The following STIM1 variants were observed in gnomAD, a reference collection of about 807,000 sequenced individuals.
The protein encoded by STIM1 is stromal interaction molecule 1.
STIM1 carries 25 observed loss-of-function variants against 74.7 expected under a neutral mutation model. That is an observed-to-expected ratio of 0.33 (90% CI 0.24 to 0.47). The LOEUF (loss-of-function observed/expected upper bound fraction) is 0.47, where lower values mean the gene tolerates loss of function less well. STIM1 is among the 20% of genes least tolerant of loss of function. The probability of loss-of-function intolerance (pLI) is 1.00; values close to 1 mark genes in which losing one functional copy is unlikely to be tolerated. For synonymous variants in STIM1, 328 were observed against 348.8 expected, an observed-to-expected ratio of 0.94 and a Z score of 0.66; for missense variants, 728 against 920.8, an observed-to-expected ratio of 0.79 and a Z score of 2.71.
At chr11:3,994,524 A>C (rs2135869810) in intron 2 of STIM1, among the ~76,000 whole-genome samples, 1 of 148,282 alleles carries the variant, frequency 6.7e-6, no homozygotes, top group East Asian at 2.0e-4. Context: ...ACAGTGGCAC[A>C]ATCTCAGCTC....
intron 2 of STIM1, among the ~76,000 whole-genome samples, chr11:3,999,326 A>G (rs1463477826): frequency 6.6e-6 from 1 of 152,238 alleles, no homozygotes; most frequent in Non-Finnish European, 1.5e-5. Flanking sequence ...AGGGAGACTC[A>G]GTCTCAAAAC....
intron 3 of STIM1, among the ~76,000 whole-genome samples, chr11:4,049,324 A>ATTTTTTTTTTTT (rs369097214): frequency 7.5e-6 from 1 of 133,904 alleles, no homozygotes. Context: ...TATCAGCTGG[A>ATTTTTTTTTTTT]TTTTTTTTTT....
chr11:3,979,893 C>A (rs147091091), intron 2 of STIM1, among the ~76,000 whole-genome samples: 1 of 152,288 alleles, frequency 6.6e-6, no homozygotes, highest in East Asian at 1.9e-4. Flanking sequence ...CCTCCCTGCA[C>A]CCCTAGCCCT....
rs199780008 is a variant in STIM1 at position 4,093,173 on chromosome 11, T to C, written c.*1375T>C. ...TTTCTGTGTTATTTCATAAAATTCTTTGAAGTCCAATAAAGCATGTAGGAG... is the reference window on the plus strand; with the variant it reads ...TTTCTGTGTTATTTCATAAAATTCTCTGAAGTCCAATAAAGCATGTAGGAG... On this transcript the variant is annotated 3_prime_UTR_variant, in exon 13 of 13. Coordinates refer to ENST00000526596, the MANE Select transcript of STIM1 (RefSeq NM_001382567.1). 6.5e-6 allele frequency: 1 copy of C among 152,682 alleles called. No homozygotes were observed. Among genetic ancestry groups the C allele is most frequent in the Non-Finnish European group, 1.5e-5 (1 of 68,070 alleles). The allele number at this position is 152,682 out of a possible 1,614,324, so 9.5% of individuals were successfully genotyped here. A position where few individuals can be genotyped will look rare whatever the true frequency, so the allele number is the denominator to read the frequency against.
At chr11:4,018,122 C>T (rs1388592850) in intron 2 of STIM1, among the ~76,000 whole-genome samples, 3 of 152,072 alleles carry the variant, frequency 2.0e-5, no homozygotes, top group Admixed American at 6.6e-5. Flanking sequence ...CAAGACCAGC[C>T]TGACTAACAT....
chr11:3,980,523 A>G (rs2093491884), intron 2 of STIM1, among the ~76,000 whole-genome samples: 1 of 151,754 alleles, frequency 6.6e-6, no homozygotes, highest in Non-Finnish European at 1.5e-5. Context: ...CATGCCTATA[A>G]TCTCAGCTAC....
rs1554959602 is a variant in STIM1 at position 3,941,673 on chromosome 11, T to TAGAGAGAGAGAG, written c.140-25866_140-25855dup. 7.4e-3 allele frequency among the ~76,000 whole-genome samples: 674 copies of TAGAGAGAGAGAG among 90,692 alleles called. 5 individuals carry two copies. The highest frequency in any genetic ancestry group is 0.024 in the South Asian group (59 of 2,476). The allele number at this position is 90,692 out of a possible 152,430, so 59.5% of individuals were successfully genotyped here. A position where few individuals can be genotyped will look rare whatever the true frequency, so the allele number is the denominator to read the frequency against. On this transcript the variant is annotated intron_variant, in intron 1 of 12. Transcript: ENST00000526596. ...GTATACATATATATATATATATATA[T>TAGAGAGAGAGAG]AGAGAGAGAGAGAGAGAGAGAGAGT...
intron 1 of STIM1, chr11:3,867,013 T>C (rs901303023): frequency 1.3e-5 from 2 of 152,186 alleles, no homozygotes; most frequent in African/African-American, 4.8e-5. Flanking sequence ...AGTAGATATT[T>C]GTTGACCAAA....
intron 1 of STIM1, among the ~76,000 whole-genome samples, chr11:3,909,795 G>GAAA (rs5789316): frequency 7.1e-6 from 1 of 140,786 alleles, no homozygotes. Context: ...CCATCTCAAA[G>GAAA]AAAAAAAAAA....
In STIM1 at chr11:4,057,593, G is replaced by A. The variant is rs760288205; in HGVS notation, c.498-1688G>A. Among the ~76,000 whole-genome samples, 11 of 152,262 alleles carry A rather than the reference G, an allele frequency of 7.2e-5. No individual in the cohort carries two copies. In the South Asian group the frequency reaches 1.0e-3, roughly 14 times the overall value. ...CTTATCTAGAAAGTCGCACTAGGCC[G>A]GGTGCAGTGGCTCACACCTGTAATC... On this transcript the variant is annotated intron_variant, in intron 4 of 12. Transcript: ENST00000526596.
In STIM1 at chr11:3,931,930, A is replaced by T. The variant is rs564578012; in HGVS notation, c.140-35622A>T. 4.6e-5 allele frequency among the ~76,000 whole-genome samples: 7 copies of T among 152,306 alleles called. No homozygotes were observed. The South Asian group carries it at 1.2e-3, about 27-fold the overall frequency. Reference sequence around the variant, plus strand: ...ATTGAGGCCCTGGGTTTTGAGTTGAATGAAGGCTGCCAGATGAGGCCATTA... The same window carrying T: ...ATTGAGGCCCTGGGTTTTGAGTTGATTGAAGGCTGCCAGATGAGGCCATTA... On this transcript the variant is annotated intron_variant, in intron 1 of 12. Transcript: ENST00000526596.
At chr11:3,986,061 GTGTGCTA>G (rs2093555467) in intron 2 of STIM1, among the ~76,000 whole-genome samples, 2 of 151,978 alleles carry the variant, frequency 1.3e-5, no homozygotes, top group Non-Finnish European at 2.9e-5. Flanking sequence ...CATATTTAGT[GTGTGCTA>G]TGTGCTGGAT....
intron 1 of STIM1, among the ~76,000 whole-genome samples, chr11:3,925,842 A>C (rs1323902268): frequency 6.6e-6 from 1 of 152,208 alleles, no homozygotes; most frequent in Non-Finnish European, 1.5e-5. Context: ...GGCCCTTTAC[A>C]TGAAATGTTT....
intron 1 of STIM1, among the ~76,000 whole-genome samples, chr11:3,923,115 A>C (rs1003081383): frequency 1.4e-5 from 2 of 146,696 alleles, no homozygotes; most frequent in East Asian, 2.0e-4. Flanking sequence ...AAAAAAAAAA[A>C]CAAACACTCT....
chr11:3,900,598 T>G (rs2092323043), intron 1 of STIM1, among the ~76,000 whole-genome samples: 1 of 152,204 alleles, frequency 6.6e-6, no homozygotes, highest in Non-Finnish European at 1.5e-5. Flanking sequence ...TTTGTTTGTT[T>G]TTTGAGACAG....
intron 1 of STIM1, among the ~76,000 whole-genome samples, chr11:3,926,966 C>A (rs1376331473): frequency 6.6e-6 from 1 of 152,144 alleles, no homozygotes; most frequent in Non-Finnish European, 1.5e-5. Flanking sequence ...TAGGCAAGTT[C>A]ATTTAACCAC....
intron 2 of STIM1, among the ~76,000 whole-genome samples, chr11:3,970,528 T>A (rs1054211439): frequency 6.7e-6 from 1 of 149,290 alleles, no homozygotes; most frequent in Admixed American, 6.8e-5. Flanking sequence ...CTTTTGGCCA[T>A]TGAGGACCTG....
At chr11:4,027,748 A>G (rs1441569150) in intron 3 of STIM1, among the ~76,000 whole-genome samples, 1 of 152,170 alleles carries the variant, frequency 6.6e-6, no homozygotes, top group Non-Finnish European at 1.5e-5. Context: ...AGATTTAAAT[A>G]GGGTGTTGAT....
chr11:4,006,594 A>C (rs1054761784), intron 2 of STIM1, among the ~76,000 whole-genome samples: 1 of 152,096 alleles, frequency 6.6e-6, no homozygotes, highest in African/African-American at 2.4e-5. Flanking sequence ...TTATATTTTT[A>C]GTAGAGACGG....
Sources: gnomAD v4.1 joint callset for allele counts (sites outside exome capture counted in the v4.1 genomes callset) on GRCh38, gnomAD v4.1.1 for gene constraint, MANE v1.5 for transcripts, NCBI Gene and HGNC (gene_info 2026-07-23, HGNC 2026-07-21) for gene names.